Variants in SLCO1C1 observed in about 807,000 individuals in gnomAD.
The protein encoded by SLCO1C1 is OAT-RP-5.
SLCO1C1 carries 70 observed loss-of-function variants against 76.4 expected under a neutral mutation model. The observed-to-expected ratio is 0.92, with a 90% confidence interval of 0.76 to 1.12. SLCO1C1 has a LOEUF of 1.12. Among genes scored for constraint, SLCO1C1 ranks in the 50% most tolerant of loss-of-function variants. The probability of loss-of-function intolerance (pLI) is 0.00; values close to 1 mark genes in which losing one functional copy is unlikely to be tolerated. For missense variants in SLCO1C1, 912 were observed against 823.8 expected, an observed-to-expected ratio of 1.11 and a Z score of -1.31; for synonymous variants, 306 against 286.1, an observed-to-expected ratio of 1.07 and a Z score of -0.70.
intron 3 of SLCO1C1, among the ~76,000 whole-genome samples, chr12:20,702,965 A>G (rs1463462739): frequency 6.6e-6 from 1 of 151,888 alleles, no homozygotes; most frequent in Admixed American, 6.6e-5. Flanking sequence ...TATATTTGAT[A>G]GAGAGAGTAT....
At chr12:20,715,111 C>A in intron 5 of SLCO1C1, 28 bp from the exon 6 acceptor site, 1 of 1,612,818 alleles carries the variant, frequency 6.2e-7, no homozygotes, top group South Asian at 1.1e-5. Flanking sequence ...GATCTATTTT[C>A]AATCCTCTGG....
intron 14 of SLCO1C1, among the ~76,000 whole-genome samples, chr12:20,751,972 G>A (rs369287950): frequency 8.5e-5 from 13 of 152,076 alleles, no homozygotes; most frequent in African/African-American, 3.1e-4. Flanking sequence ...GTGAAAAGGA[G>A]CACTATTAAA....
chr12:20,727,074 G>A (rs1948045606), intron 9 of SLCO1C1, among the ~76,000 whole-genome samples: 1 of 152,176 alleles, frequency 6.6e-6, no homozygotes, highest in East Asian at 1.9e-4. Flanking sequence ...ATTCTGTGGT[G>A]TATACGTACC....
chr12:20,746,353 G>A (rs1005995715), intron 13 of SLCO1C1, among the ~76,000 whole-genome samples: 12 of 116,586 alleles, frequency 1.0e-4, no homozygotes, highest in African/African-American at 2.5e-4. Context: ...GAGAAATAAA[G>A]GAGAAAAAAA....
intron 4 of SLCO1C1, 113 bp downstream of exon 4, chr12:20,706,194 A>G: frequency 7.9e-7 from 1 of 1,265,496 alleles, no homozygotes; most frequent in Middle Eastern, 2.0e-4. Flanking sequence ...ACTTTGTCTT[A>G]CTTTTATTAC....
intron 3 of SLCO1C1, 93 bp downstream of exon 3, chr12:20,701,552 T>TCCCAG: frequency 7.6e-6 from 7 of 918,706 alleles, no homozygotes; most frequent in Non-Finnish European, 1.0e-5. Flanking sequence ...TCTGCTGGGA[T>TCCCAG]CAGACTCTAT....
chr12:20,750,983 T>C (rs1949277198), intron 14 of SLCO1C1, 191 bp downstream of exon 14: 1 of 1,103,006 alleles, frequency 9.1e-7, no homozygotes, highest in East Asian at 2.6e-5. Context: ...TTGTCCCTAT[T>C]CATTACCTTG....
intron 13 of SLCO1C1, among the ~76,000 whole-genome samples, chr12:20,745,503 A>C (rs1473590603): frequency 6.6e-6 from 1 of 152,124 alleles, no homozygotes; most frequent in Non-Finnish European, 1.5e-5. Context: ...TTTTTAGTAA[A>C]ATAGAAAAGT....
chr12:20,711,150 C>T (rs1947076842), intron 4 of SLCO1C1, among the ~76,000 whole-genome samples: 1 of 152,148 alleles, frequency 6.6e-6, no homozygotes, highest in South Asian at 2.1e-4. Flanking sequence ...CCATCTTGGG[C>T]CACATGCAAC....
intron 4 of SLCO1C1, among the ~76,000 whole-genome samples, chr12:20,707,350 T>C (rs1468661221): frequency 2.0e-5 from 3 of 152,056 alleles, no homozygotes; most frequent in African/African-American, 7.2e-5. Flanking sequence ...GTTGTGTTGC[T>C]GTTATCTGTT....
At chr12:20,733,200 C>T in intron 10 of SLCO1C1, 96 bp downstream of exon 10, 1 of 1,185,968 alleles carries the variant, frequency 8.4e-7, no homozygotes, top group Admixed American at 2.6e-5. Flanking sequence ...TTTTAAACAT[C>T]ATAACTATGG....
chr12:20,751,649 GCTGTATTAA>G (rs1949313136), intron 14 of SLCO1C1, among the ~76,000 whole-genome samples: 1 of 152,064 alleles, frequency 6.6e-6, no homozygotes, highest in Non-Finnish European at 1.5e-5. Flanking sequence ...TTTTGCTAAG[GCTGTATTAA>G]CTGTAATGTA....
At position 20,695,604 on chromosome 12, in the gene SLCO1C1, C is replaced by A. The variant is rs1363928235; in HGVS notation, c.-229C>A. On this transcript the variant is annotated 5_prime_UTR_variant, in exon 1 of 15. It introduces an in-frame stop codon into an upstream open reading frame of the 5' UTR. Coordinates refer to ENST00000266509, the MANE Select transcript of SLCO1C1 (RefSeq NM_017435.5). ...GGAAGAAAGAGGAAAGAGAAGAGAT[C>A]GCTCAGGGGTGAGACCATGCCCTTC... 2 of 152,104 alleles carry A rather than the reference C, an allele frequency of 1.3e-5. No homozygotes were observed. Among genetic ancestry groups the A allele is most frequent in the Admixed American group, 6.6e-5 (1 of 15,264 alleles). The allele number at this position is 152,104 out of a possible 1,614,324, so 9.4% of individuals were successfully genotyped here. A position where few individuals can be genotyped will look rare whatever the true frequency, so the allele number is the denominator to read the frequency against.
intron 9 of SLCO1C1, among the ~76,000 whole-genome samples, chr12:20,729,103 G>T (rs1327935216): frequency 6.6e-6 from 1 of 152,076 alleles, no homozygotes; most frequent in Non-Finnish European, 1.5e-5. Context: ...ATAAATCAAA[G>T]TTTAATTTCT....
chr12:20,703,713 G>T (rs1946635912), intron 3 of SLCO1C1, among the ~76,000 whole-genome samples: 1 of 151,636 alleles, frequency 6.6e-6, no homozygotes, highest in African/African-American at 2.4e-5. Context: ...ATAATTTATT[G>T]TTAGTTGGTG....
At chr12:20,711,216 G>A (rs1040027881) in intron 4 of SLCO1C1, among the ~76,000 whole-genome samples, 170 bp from the exon 5 acceptor site, 2 of 152,130 alleles carry the variant, frequency 1.3e-5, no homozygotes, top group African/African-American at 4.8e-5. Flanking sequence ...AGATCTTCTG[G>A]CTACCTCTTC....
At chr12:20,721,439 A>G (rs1947664824) in intron 7 of SLCO1C1, among the ~76,000 whole-genome samples, 1 of 152,178 alleles carries the variant, frequency 6.6e-6, no homozygotes, top group South Asian at 2.1e-4. Flanking sequence ...TCAGATGATT[A>G]TTAGCATTTT....
At position 20,747,712 on chromosome 12, in the gene SLCO1C1, C is replaced by A. The variant is rs556105665; in HGVS notation, c.1799-2963C>A. ...TATATTTGTTTGGTTTTTGAGGCAC[C>A]AAATAATCCAAATTTAATTCAAAAT... On this transcript the variant is annotated intron_variant, in intron 13 of 14. Coordinates refer to ENST00000266509, the MANE Select transcript of SLCO1C1 (RefSeq NM_017435.5). Among the ~76,000 whole-genome samples the A allele has an allele frequency of 2.6e-5, 4 of 152,046 alleles. No individual in the cohort carries two copies. The South Asian group carries it at 8.3e-4, about 32-fold the overall frequency.
chr12:20,722,541 T>C (rs1947730907), intron 8 of SLCO1C1, among the ~76,000 whole-genome samples: 1 of 152,234 alleles, frequency 6.6e-6, no homozygotes, highest in African/African-American at 2.4e-5. Flanking sequence ...CCTCTTCTTG[T>C]CCCTTCAAGC....
Sources: gnomAD v4.1 joint callset for allele counts (sites outside exome capture counted in the v4.1 genomes callset) on GRCh38, gnomAD v4.1.1 for gene constraint, MANE v1.5 for transcripts, NCBI Gene and HGNC (gene_info 2026-07-23, HGNC 2026-07-21) for gene names.